The following TRPM3 variants were observed in gnomAD, a reference collection of about 807,000 sequenced individuals.
The protein encoded by TRPM3 is long transient receptor potential channel 3.
TRPM3 carries 77 observed loss-of-function variants against 181.2 expected under a neutral mutation model. The ratio of observed to expected loss-of-function variants is 0.42; its 90% confidence interval spans 0.35 to 0.51. The LOEUF (loss-of-function observed/expected upper bound fraction) is 0.51. Ranked by LOEUF, TRPM3 falls within the 20% of genes least tolerant of loss-of-function variation. The probability of loss-of-function intolerance (pLI) is 0.01; values close to 1 mark genes in which losing one functional copy is unlikely to be tolerated. For missense variants in TRPM3, 1,759 were observed against 2,196.7 expected (o/e 0.80, Z 3.98); for synonymous variants, 745 against 796.4 (o/e 0.94, Z 1.09).
At chr9:70,787,460 G>C (rs2083942133) in intron 6 of TRPM3, among the ~76,000 whole-genome samples, 1 of 151,994 alleles carries the variant, frequency 6.6e-6, no homozygotes, top group South Asian at 2.1e-4. Flanking sequence ...AGTTATGAGA[G>C]GTAGAAAATC....
intron 1 of TRPM3, among the ~76,000 whole-genome samples, chr9:71,332,281 T>C (rs1306966036): frequency 6.6e-6 from 1 of 151,742 alleles, no homozygotes; most frequent in Admixed American, 6.6e-5. Context: ...TTTATGATTT[T>C]GACTAGAAAT....
chr9:71,237,032 G>C (rs1246091251), intron 1 of TRPM3, among the ~76,000 whole-genome samples: 1 of 90,362 alleles, frequency 1.1e-5, no homozygotes. Flanking sequence ...GGGCGATAGA[G>C]CAAGACTCCA....
chr9:71,277,261 C>T (rs2084286418), intron 1 of TRPM3, among the ~76,000 whole-genome samples: 1 of 152,152 alleles, frequency 6.6e-6, no homozygotes, highest in African/African-American at 2.4e-5. Flanking sequence ...TATGGCCACA[C>T]CACCCTCACG....
intron 1 of TRPM3, among the ~76,000 whole-genome samples, chr9:71,212,033 G>A (rs565889686): frequency 1.3e-5 from 2 of 152,318 alleles, no homozygotes; most frequent in African/African-American, 4.8e-5. Flanking sequence ...GGAGAGCTTA[G>A]CTGGGAAGAC....
rs550822183 is a variant in TRPM3 at position 70,824,754 on chromosome 9, C to G, written c.973+3093G>C. 1.1e-4 allele frequency: 17 copies of G among 152,240 alleles called. No homozygotes were observed. In the East Asian group the frequency reaches 2.9e-3, roughly 26 times the overall value. 9.4% of individuals were successfully genotyped at this position (152,240 alleles called of 1,614,324 possible). A position where few individuals can be genotyped will look rare whatever the true frequency, so the allele number is the denominator to read the frequency against. On this transcript the variant is annotated intron_variant, in intron 6 of 25. Coordinates refer to ENST00000677713, the MANE Select transcript of TRPM3 (RefSeq NM_001366145.2). ...AAATTTTATTTTTAAAAGGAAGAAC[C>G]ACAAAGTGTCCATGTTAGAAAGTAG...
At chr9:71,245,011 C>T (rs1386120347) in intron 1 of TRPM3, among the ~76,000 whole-genome samples, 3 of 152,050 alleles carry the variant, frequency 2.0e-5, no homozygotes, top group South Asian at 2.1e-4. Context: ...TGGGGTTGCT[C>T]GAACAACATG....
chr9:71,039,131 C>T (rs754349433), intron 1 of TRPM3, among the ~76,000 whole-genome samples: 2 of 152,194 alleles, frequency 1.3e-5, no homozygotes, highest in Non-Finnish European at 2.9e-5. Flanking sequence ...CTGGCACTCT[C>T]ATGGAAGCCA....
At chr9:70,850,237 A>G (rs1331563989) in intron 3 of TRPM3, among the ~76,000 whole-genome samples, 4 of 152,200 alleles carry the variant, frequency 2.6e-5, no homozygotes, top group Admixed American at 2.0e-4. Context: ...AAAAACTTTC[A>G]GATATCTATC....
chr9:71,245,744 G>A (rs1354602763), intron 1 of TRPM3, among the ~76,000 whole-genome samples: 10 of 152,132 alleles, frequency 6.6e-5, no homozygotes, highest in South Asian at 2.1e-4. Flanking sequence ...TTGGAAAAGG[G>A]CTGATTGTGA....
intron 1 of TRPM3, among the ~76,000 whole-genome samples, chr9:70,996,513 T>C (rs2097542328): frequency 6.6e-6 from 1 of 152,218 alleles, no homozygotes; most frequent in Non-Finnish European, 1.5e-5. Context: ...GCTAGGATGC[T>C]AAAAATATGG....
At chr9:71,271,858 G>C (rs1016044385) in intron 1 of TRPM3, among the ~76,000 whole-genome samples, 3 of 151,988 alleles carry the variant, frequency 2.0e-5, no homozygotes, top group Non-Finnish European at 4.4e-5. Flanking sequence ...GAAAGAAAGG[G>C]GCAAACTGTA....
At chr9:70,834,465 T>A (rs1256172375) in intron 5 of TRPM3, among the ~76,000 whole-genome samples, 2 of 152,094 alleles carry the variant, frequency 1.3e-5, no homozygotes, top group Non-Finnish European at 2.9e-5. Flanking sequence ...ATGAGTGGGG[T>A]GATTAAAAAA....
intron 6 of TRPM3, chr9:70,826,343 A>T (rs2093555338): frequency 6.6e-6 from 1 of 152,200 alleles, no homozygotes; most frequent in Non-Finnish European, 1.5e-5. Context: ...TATATTTTCT[A>T]GTCTTTTCTA....
chr9:70,674,902 A>G (rs997988563), intron 9 of TRPM3, among the ~76,000 whole-genome samples: 4 of 151,382 alleles, frequency 2.6e-5, no homozygotes, highest in Non-Finnish European at 4.4e-5. Flanking sequence ...TCTACCTTTA[A>G]GTTTAGGTTT....
At chr9:71,066,705 G>A (rs1691447022) in intron 1 of TRPM3, among the ~76,000 whole-genome samples, 1 of 152,126 alleles carries the variant, frequency 6.6e-6, no homozygotes, top group Non-Finnish European at 1.5e-5. Context: ...GAAGGCTGTT[G>A]AATATTAAAT....
chr9:70,975,152 G>A (rs1025573517), intron 1 of TRPM3, among the ~76,000 whole-genome samples: 3 of 152,024 alleles, frequency 2.0e-5, no homozygotes, highest in Non-Finnish European at 4.4e-5. Flanking sequence ...TTAGGTGTGA[G>A]CCACCGCACC....
chr9:70,776,272 T>C (rs2081337211), intron 7 of TRPM3: 1 of 523,596 alleles, frequency 1.9e-6, no homozygotes. Flanking sequence ...AGTGGGAGGT[T>C]AGGACTCTTT....
At chr9:71,052,530 T>C (rs1181900553) in intron 1 of TRPM3, among the ~76,000 whole-genome samples, 1 of 152,182 alleles carries the variant, frequency 6.6e-6, no homozygotes, top group Non-Finnish European at 1.5e-5. Context: ...GCATGAGTGC[T>C]GCATGTTTCA....
At chr9:71,445,680 AC>A in intron 1 of TRPM3, among the ~76,000 whole-genome samples, 1 of 152,218 alleles carries the variant, frequency 6.6e-6, no homozygotes, top group Non-Finnish European at 1.5e-5. Flanking sequence ...AACATTAATC[AC>A]GCTGTGGGAT....
Sources: gnomAD v4.1 joint callset for allele counts (sites outside exome capture counted in the v4.1 genomes callset) on GRCh38, gnomAD v4.1.1 for gene constraint, MANE v1.5 for transcripts, NCBI Gene and HGNC (gene_info 2026-07-23, HGNC 2026-07-21) for gene names.